Variants in SLC1A2 observed in about 807,000 individuals in gnomAD.
SLC1A2 encodes the protein excitatory amino acid transporter 2.
A neutral mutation model predicts 48.8 loss-of-function variants in SLC1A2; 15 were observed. That is an observed-to-expected ratio of 0.31 (90% confidence interval 0.21 to 0.47). SLC1A2 has a LOEUF of 0.47. Among genes scored for constraint, SLC1A2 ranks in the 20% least tolerant of loss-of-function variants. The probability of loss-of-function intolerance (pLI) is 0.99; values close to 1 mark genes in which losing one functional copy is unlikely to be tolerated. For missense variants in SLC1A2, 502 were observed against 730.5 expected, an observed-to-expected ratio of 0.69 and a Z score of 3.61; for synonymous variants, 279 against 272.6, an observed-to-expected ratio of 1.02 and a Z score of -0.23.
intron 6 of SLC1A2, among the ~76,000 whole-genome samples, chr11:35,293,187 G>A (rs888717327): frequency 4.6e-5 from 7 of 152,088 alleles, no homozygotes; most frequent in Non-Finnish European, 1.5e-5. Flanking sequence ...ACCACAACCC[G>A]AAAATCTAGG....
At chr11:35,408,198 G>A (rs1395111973) in intron 1 of SLC1A2, among the ~76,000 whole-genome samples, 1 of 152,110 alleles carries the variant, frequency 6.6e-6, no homozygotes, top group Non-Finnish European at 1.5e-5. Flanking sequence ...TTGGAATCTG[G>A]TAACCTATGC....
At chr11:35,271,699 C>T (rs537437647) in intron 9 of SLC1A2, among the ~76,000 whole-genome samples, 7 of 152,130 alleles carry the variant, frequency 4.6e-5, no homozygotes, top group South Asian at 2.1e-4. Context: ...AAAAATTAGC[C>T]GGGTGTGGTG....
At chr11:35,291,406 C>CA (rs1851002931) in intron 7 of SLC1A2, 1 of 151,966 alleles carries the variant, frequency 6.6e-6, no homozygotes, top group African/African-American at 2.4e-5. Context: ...GGATTATAGG[C>CA]GCCCCCCACC....
At chr11:35,262,133 G>A (rs1218007078) in intron 10 of SLC1A2, among the ~76,000 whole-genome samples, 1 of 152,234 alleles carries the variant, frequency 6.6e-6, no homozygotes, top group Non-Finnish European at 1.5e-5. Flanking sequence ...CAGCAAATTT[G>A]TTTCCCTTTC....
chr11:35,405,443 T>C (rs10836392), intron 1 of SLC1A2, among the ~76,000 whole-genome samples: 86,630 of 150,502 alleles, frequency 0.58, 25,298 homozygotes, highest in Middle Eastern at 0.68. Context: ...TTAACTAATG[T>C]AATTGAAAAA....
intron 4 of SLC1A2, among the ~76,000 whole-genome samples, chr11:35,311,909 A>G (rs1851710114): frequency 7.3e-5 from 1 of 13,732 alleles, no homozygotes; most frequent in Non-Finnish European, 1.6e-4. Flanking sequence ...AGAGAGAGAG[A>G]GAGAGAGAGA....
intron 1 of SLC1A2, 99 bp downstream of exon 1, chr11:35,418,851 G>T (rs1435037836): frequency 5.4e-6 from 6 of 1,111,740 alleles, no homozygotes; most frequent in African/African-American, 3.1e-5. Context: ...CACCTCCGAG[G>T]CCCGCCGCCG....
chr11:35,378,102 T>C (rs1854301367), intron 1 of SLC1A2, among the ~76,000 whole-genome samples: 3 of 152,174 alleles, frequency 2.0e-5, no homozygotes, highest in Admixed American at 2.0e-4. Context: ...GGTTTTACAC[T>C]TGGAAACATA....
chr11:35,387,316 A>C (rs1341833583), intron 1 of SLC1A2, among the ~76,000 whole-genome samples: 1 of 152,192 alleles, frequency 6.6e-6, no homozygotes, highest in Non-Finnish European at 1.5e-5. Flanking sequence ...TTTTTATGCA[A>C]TCCCAAAATG....
chr11:35,326,164 C>A lies in SLC1A2; in HGVS notation c.18-8648G>T, dbSNP rs556531618. Reference sequence around the variant, plus strand: ...GAGGAACCACTCTAGGTTCACCCAACAAGGCCTTTGGGGAAACTGATGAGG... The same window carrying A: ...GAGGAACCACTCTAGGTTCACCCAAAAAGGCCTTTGGGGAAACTGATGAGG... On this transcript the variant is annotated intron_variant, in intron 1 of 10. Transcript: ENST00000278379. Among the ~76,000 whole-genome samples the A allele has an allele frequency of 2.6e-5, 4 of 152,240 alleles. No homozygotes were observed. In the East Asian group the frequency reaches 7.7e-4, roughly 29 times the overall value.
rs985134161 is a variant in SLC1A2 at position 35,252,740 on chromosome 11, T to C, written c.*8154A>G. 1.4e-4 allele frequency: 21 copies of C among 152,754 alleles called. No individual in the cohort carries two copies. The highest frequency in any genetic ancestry group is 2.5e-4 in the Non-Finnish European group (17 of 68,030). The allele number at this position is 152,754 out of a possible 1,614,324, so 9.5% of individuals were successfully genotyped here. ...AACATGTCTACTGCATTTAGATGAATAGCCAAAAATAACATATACATTTAA... is the reference window on the plus strand; with the variant it reads ...AACATGTCTACTGCATTTAGATGAACAGCCAAAAATAACATATACATTTAA... On this transcript the variant is annotated 3_prime_UTR_variant, in exon 11 of 11. Coordinates refer to ENST00000278379, the MANE Select transcript of SLC1A2 (RefSeq NM_004171.4).
intron 9 of SLC1A2, among the ~76,000 whole-genome samples, chr11:35,266,366 C>T (rs1950484605): frequency 6.6e-6 from 1 of 152,140 alleles, no homozygotes; most frequent in Non-Finnish European, 1.5e-5. Flanking sequence ...ATAATTTTCT[C>T]ATTGACCAAT....
At chr11:35,317,653 T>C in intron 1 of SLC1A2, 137 bp from the exon 2 acceptor site, 4 of 1,037,694 alleles carry the variant, frequency 3.9e-6, no homozygotes, top group Non-Finnish European at 4.3e-6. Flanking sequence ...TAAGTGTGAC[T>C]CAGGGTCACC....
intron 1 of SLC1A2, among the ~76,000 whole-genome samples, chr11:35,383,430 T>C (rs908082918): frequency 4.6e-5 from 7 of 152,202 alleles, no homozygotes; most frequent in African/African-American, 1.7e-4. Context: ...TGTCATGGGA[T>C]TATCAGAGAA....
intron 1 of SLC1A2, chr11:35,322,730 C>G (rs1283787240): frequency 9.8e-7 from 1 of 1,017,986 alleles, no homozygotes; most frequent in Non-Finnish European, 1.5e-6. Context: ...TCCCGTAAGA[C>G]AGTTGTTGTA....
intron 9 of SLC1A2, among the ~76,000 whole-genome samples, chr11:35,272,127 T>C (rs1489807468): frequency 1.3e-5 from 2 of 151,968 alleles, no homozygotes; most frequent in African/African-American, 4.8e-5. Context: ...AAGAGGTTGG[T>C]GGGGAAGAAG....
At chr11:35,292,078 G>C in intron 7 of SLC1A2, 1 of 557,498 alleles carries the variant, frequency 1.8e-6, no homozygotes, top group Non-Finnish European at 3.2e-6. Flanking sequence ...TTCCAATATA[G>C]TTGCAAACCA....
intron 1 of SLC1A2, among the ~76,000 whole-genome samples, chr11:35,340,536 C>T (rs1256163712): frequency 6.6e-6 from 1 of 152,242 alleles, no homozygotes; most frequent in African/African-American, 2.4e-5. Flanking sequence ...TTAAAGCCTA[C>T]TTCTACCCCT....
At chr11:35,306,264 G>A in intron 4 of SLC1A2, 22 bp from the exon 5 acceptor site, 1 of 1,598,572 alleles carries the variant, frequency 6.3e-7, no homozygotes, top group Non-Finnish European at 8.6e-7. Flanking sequence ...AGGGAAAAAA[G>A]GCATAGAGCT....
Sources: allele counts gnomAD v4.1 joint callset (sites outside exome capture counted in the v4.1 genomes callset), GRCh38; gene constraint gnomAD v4.1.1; transcripts MANE v1.5; gene names NCBI Gene and HGNC (gene_info 2026-07-23, HGNC 2026-07-21).